The following BICRA variants were observed in gnomAD, a reference collection of about 807,000 sequenced individuals.
The protein encoded by BICRA is BRD4-interacting chromatin-remodeling complex-associated protein.
A neutral mutation model predicts 96.9 loss-of-function variants in BICRA; 31 were observed. The observed-to-expected ratio is 0.32, with a 90% CI of 0.24 to 0.43. The LOEUF is 0.43. Among genes scored for constraint, BICRA ranks in the 20% least tolerant of loss-of-function variants. The pLI, the probability that BICRA is intolerant of heterozygous loss-of-function variation, is 1.00. For synonymous variants in BICRA, 1,350 were observed against 1,071.8 expected (o/e 1.26, Z -5.07); for missense variants, 2,283 against 2,190.3 (o/e 1.04, Z -0.84).
At chr19:47,629,125 C>T (rs954179620) in intron 1 of BICRA, among the ~76,000 whole-genome samples, 15 of 152,178 alleles carry the variant, frequency 9.9e-5, no homozygotes, top group African/African-American at 3.1e-4. Context: ...CCTCAGCCTC[C>T]CAAGTAGCTG....
chr19:47,623,850 T>C (rs1450660680), intron 1 of BICRA, among the ~76,000 whole-genome samples: 4 of 150,668 alleles, frequency 2.7e-5, no homozygotes, highest in Non-Finnish European at 4.4e-5. Context: ...CTCTCTCTTT[T>C]TTTTTTTTTT....
intron 5 of BICRA, among the ~76,000 whole-genome samples, chr19:47,676,565 C>T (rs1972944470): frequency 1.0e-5 from 1 of 97,042 alleles, no homozygotes; most frequent in African/African-American, 3.9e-5. Flanking sequence ...CACCTTCCTT[C>T]GGCCTCCCCC....
At chr19:47,661,608 A>G (rs1050775010) in intron 1 of BICRA, 1 of 152,162 alleles carries the variant, frequency 6.6e-6, no homozygotes, top group Non-Finnish European at 1.5e-5. Context: ...TGAGTATTTT[A>G]ATGGCAGGAG....
intron 7 of BICRA, among the ~76,000 whole-genome samples, chr19:47,689,497 G>A (rs1339137305): frequency 6.6e-6 from 1 of 152,096 alleles, no homozygotes; most frequent in Non-Finnish European, 1.5e-5. Flanking sequence ...TGCAAGCTAC[G>A]CCTGCTGGGT....
intron 1 of BICRA, chr19:47,626,389 C>CTGTTT (rs1376698927): frequency 2.0e-5 from 3 of 152,326 alleles, no homozygotes; most frequent in Admixed American, 6.6e-5. Flanking sequence ...GAGCCTGTTT[C>CTGTTT]TGTTTTGTTT....
intron 1 of BICRA, among the ~76,000 whole-genome samples, chr19:47,640,616 T>A (rs1048736276): frequency 5.7e-4 from 87 of 151,436 alleles, no homozygotes; most frequent in Non-Finnish European, 1.3e-4. Flanking sequence ...CAGACTGTAC[T>A]GAGTGCTGTG....
intron 1 of BICRA, among the ~76,000 whole-genome samples, chr19:47,620,686 A>C (rs1202592017): frequency 6.0e-5 from 9 of 151,094 alleles, no homozygotes; most frequent in Non-Finnish European, 1.3e-4. Flanking sequence ...AAAAAAAAAA[A>C]AAACAAGAAC....
rs943448526 is a variant in BICRA at position 47,679,941 on chromosome 19, G to C, written c.771G>C (p.Val257=). 2.7e-6 allele frequency: 4 copies of C among 1,508,770 alleles called. No individual in the cohort carries two copies. The highest frequency in any genetic ancestry group is 3.5e-6 in the Non-Finnish European group (4 of 1,135,532). The allele number at this position is 1,508,770 out of a possible 1,614,324, so 93.5% of individuals were successfully genotyped here. A position where few individuals can be genotyped will look rare whatever the true frequency, so the allele number is the denominator to read the frequency against. ...CCTCCCAGCTCCTGGCCAAGCAGGTGCCCGTCAGCGGCTACCTGGCCTCGG... is the reference window on the plus strand; with the variant it reads ...CCTCCCAGCTCCTGGCCAAGCAGGTCCCCGTCAGCGGCTACCTGGCCTCGG... ...TPTSQLLAKQ[V]PVSGYLASAA... The change falls in exon 6 of 15, where the codon GTG becomes GTC. Residue 257 remains valine, a synonymous_variant. Transcript: ENST00000594866.
intron 6 of BICRA, 57 bp downstream of exon 6, chr19:47,681,333 G>C: frequency 6.9e-7 from 1 of 1,454,658 alleles, no homozygotes; most frequent in East Asian, 2.5e-5. Flanking sequence ...GGGAGGAAGA[G>C]GGGTCCTGGG....
At chr19:47,668,886 G>A (rs1262203635) in intron 1 of BICRA, among the ~76,000 whole-genome samples, 2 of 151,690 alleles carry the variant, frequency 1.3e-5, no homozygotes, top group Non-Finnish European at 2.9e-5. Flanking sequence ...CTGGGAGGCC[G>A]AGGTGGGTGG....
At position 47,694,711 on chromosome 19, in the gene BICRA, C is replaced by G. The variant is rs375583336; in HGVS notation, c.2880C>G (p.Leu960=). Residue 960 remains leucine, a synonymous_variant, in exon 8 of 15, where the codon CTC becomes CTG. Coordinates refer to ENST00000594866, the MANE Select transcript of BICRA (RefSeq NM_001394372.1). ...FPALPQPKAL[L]ERFHQVPSGI... ...CGCTGCCCCAGCCGAAGGCTCTTCT[C>G]GAGAGATTTCACCAGGTAACGGGAG... 4 of 1,541,588 alleles carry G rather than the reference C, an allele frequency of 2.6e-6. No homozygotes were observed. The highest frequency in any genetic ancestry group is 3.5e-6 in the Non-Finnish European group (4 of 1,129,432).
intron 1 of BICRA, among the ~76,000 whole-genome samples, chr19:47,624,362 G>C (rs1379901326): frequency 1.3e-5 from 2 of 152,126 alleles, no homozygotes. Context: ...TTAGGTTCTA[G>C]ACAGTGCAGT....
In BICRA at chr19:47,681,290, G is replaced by C; in HGVS notation, c.2106+14G>C. The C allele has an allele frequency of 6.5e-7, 1 of 1,542,342 alleles. No homozygotes were observed. The highest frequency in any genetic ancestry group is 8.7e-7 in the Non-Finnish European group (1 of 1,149,440). On this transcript the variant is annotated intron_variant, in intron 6 of 14. Coordinates refer to ENST00000594866, the MANE Select transcript of BICRA (RefSeq NM_001394372.1). The stretch of plus-strand genomic sequence containing the variant: ...TTCCTGCCCCAGGTAAGCAGGGCGG[G>C]GCAAGGGAGCAGGTACCGGAGGAGG...
rs1287382363 is a variant in BICRA at position 47,702,482 on chromosome 19, T to C, written c.*67T>C. On this transcript the variant is annotated 3_prime_UTR_variant, in exon 15 of 15. Coordinates refer to ENST00000594866, the MANE Select transcript of BICRA (RefSeq NM_001394372.1). ...CGCCGGGACAGTCGGGTGTCCGCCC[T>C]CAGCCTCCTGGGGACTCGAGCCGGG... is the stretch of plus-strand genomic sequence containing the variant. The C allele has an allele frequency of 2.9e-6, 4 of 1,402,508 alleles. No homozygotes were observed. The South Asian group carries it at 6.2e-5, about 22-fold the overall frequency. The allele number at this position is 1,402,508 out of a possible 1,614,324, so 86.9% of individuals were successfully genotyped here.
chr19:47,699,008 C>T lies in BICRA; in HGVS notation c.3441C>T (p.Arg1147=), dbSNP rs374431737. 1.9e-6 allele frequency: 3 copies of T among 1,587,906 alleles called. No homozygotes were observed. Among genetic ancestry groups the T allele is most frequent in the Non-Finnish European group, 8.6e-7 (1 of 1,167,818 alleles). ...FETVSTQLLK[R]TQAMLNKYRL... is the part of the protein sequence containing the mutation. ...CGGTCTCCACGCAGCTGCTGAAACG[C>T]ACCCAGGCCATGCTCAATAAATATC... Residue 1147 remains arginine (R), a synonymous_variant, in exon 13 of 15, where the codon CGC becomes CGT. Coordinates refer to ENST00000594866, the MANE Select transcript of BICRA (RefSeq NM_001394372.1). The surrounding 1 kb of genome is among the most constrained non-coding windows in gnomAD (Gnocchi z 5.0).
chr19:47,682,284 AC>A, intron 7 of BICRA, 132 bp downstream of exon 7: 3 of 543,154 alleles, frequency 5.5e-6, no homozygotes, highest in Non-Finnish European at 6.5e-6. Context: ...GCTCTCCTTC[AC>A]CCCCCAAGTG....
At chr19:47,635,137 T>C (rs532824264) in intron 1 of BICRA, among the ~76,000 whole-genome samples, 1 of 152,360 alleles carries the variant, frequency 6.6e-6, no homozygotes, top group African/African-American at 2.4e-5. Flanking sequence ...ATTATAATTT[T>C]ATTGTGGTAC....
chr19:47,671,821 T>TCG (rs1399293383), intron 2 of BICRA, among the ~76,000 whole-genome samples: 1 of 112,908 alleles, frequency 8.9e-6, no homozygotes, highest in Non-Finnish European at 1.8e-5. Flanking sequence ...GATGGAGGGA[T>TCG]GAATAGGTGG....
chr19:47,668,934 A>T (rs1432092195), intron 1 of BICRA, among the ~76,000 whole-genome samples: 1 of 151,996 alleles, frequency 6.6e-6, no homozygotes, highest in African/African-American at 2.4e-5. Context: ...AGCCTGGCCA[A>T]TATGATGAAA....
Sources: allele counts gnomAD v4.1 joint callset (sites outside exome capture counted in the v4.1 genomes callset), GRCh38; gene constraint gnomAD v4.1.1; non-coding constraint Gnocchi (gnomAD v3.1); transcripts MANE v1.5; gene names NCBI Gene and HGNC (gene_info 2026-07-23, HGNC 2026-07-21).